Variants in ACADM observed in about 807,000 individuals in gnomAD.
ACADM encodes medium-chain specific acyl-CoA dehydrogenase, mitochondrial.
Under a neutral mutation model 58.9 loss-of-function variants are expected in ACADM, and 49 were observed. The ratio of observed to expected loss-of-function variants is 0.83; its 90% confidence interval spans 0.66 to 1.06. ACADM has a LOEUF of 1.06. Ranked by LOEUF, ACADM falls within the 50% of genes least tolerant of loss-of-function variation. ACADM has a pLI of 0.00. For synonymous variants in ACADM, 160 were observed against 157.7 expected, an observed-to-expected ratio of 1.01 and a Z score of -0.11; for missense variants, 496 against 507.0, an observed-to-expected ratio of 0.98 and a Z score of 0.21.
intron 2 of ACADM, among the ~76,000 whole-genome samples, chr1:75,729,295 C>CTTTT (rs35372302): frequency 1.2e-5 from 1 of 85,354 alleles, no homozygotes; most frequent in Non-Finnish European, 2.1e-5. Context: ...TTTCTTTTTT[C>CTTTT]TTTTTTTTTT....
rs113614244 is a variant in ACADM, at chr1:75,731,306, G to A, written c.119-1338G>A. Among the ~76,000 whole-genome samples, 1,050 of 119,706 alleles carry A rather than the reference G, an allele frequency of 8.8e-3. 10 individuals carry two copies. The highest frequency in any genetic ancestry group is 0.033 in the African/African-American group (970 of 29,206). 78.5% of individuals were successfully genotyped at this position (119,706 alleles called of 152,430 possible). ...AAAAAAAAAAAAAAAAAAAAAAAAA[G>A]AGATTTGATCTTATGCTCTTCAATT... On this transcript the variant is annotated intron_variant, in intron 2 of 11. Coordinates refer to ENST00000370841, the MANE Select transcript of ACADM (RefSeq NM_000016.6).
intron 2 of ACADM, among the ~76,000 whole-genome samples, chr1:75,729,056 T>G (rs1352268076): frequency 6.6e-6 from 1 of 152,020 alleles, no homozygotes; most frequent in Non-Finnish European, 1.5e-5. Flanking sequence ...TCTTCAAAAT[T>G]TTTATTTTTT....
rs1475133401 is a variant in ACADM, at chr1:75,759,661, T to C, written c.946-1461T>C. On this transcript the variant is annotated intron_variant, in intron 10 of 11. Transcript: ENST00000370841. ...TCTCTATCTGTAGCAACTTTCTTTT[T>C]TTTTTTTTTTTTTTTTTGAGACAGA... Among the ~76,000 whole-genome samples, 275 of 146,352 alleles carry C rather than the reference T, an allele frequency of 1.9e-3. 1 individual carries two copies. Among genetic ancestry groups the C allele is most frequent in the African/African-American group, 6.1e-3 (243 of 39,976 alleles).
At chr1:75,757,279 G>A (rs1219143756) in intron 10 of ACADM, among the ~76,000 whole-genome samples, 4 of 152,116 alleles carry the variant, frequency 2.6e-5, no homozygotes, top group South Asian at 2.1e-4. Context: ...GCAACCTACA[G>A]AATGGGAGAA....
rs762564037 is a variant in ACADM, at chr1:75,734,890, C to T, written c.468+19C>T. 2.6e-5 allele frequency: 40 copies of T among 1,566,904 alleles called. No individual in the cohort carries two copies. The highest frequency in any genetic ancestry group is 3.3e-4 in the Middle Eastern group (2 of 5,980). Reference sequence around the variant, plus strand: ...GATGTGTGTGAGTATGTGTAACTGCCGCTTTATTTCACACTTAAGAAGGGA... The same window carrying T: ...GATGTGTGTGAGTATGTGTAACTGCTGCTTTATTTCACACTTAAGAAGGGA... On this transcript the variant is annotated intron_variant, in intron 6 of 11. Transcript: ENST00000370841.
At chr1:75,729,624 G>A (rs1224298122) in intron 2 of ACADM, among the ~76,000 whole-genome samples, 1 of 151,646 alleles carries the variant, frequency 6.6e-6, no homozygotes, top group Non-Finnish European at 1.5e-5. Flanking sequence ...CTCCTGAGTA[G>A]CTGGGACTAC....
At position 75,732,656 on chromosome 1, in the gene ACADM, A is replaced by G. The variant is rs751647383; in HGVS notation, c.131A>G (p.Gln44Arg). 15 of 1,613,826 alleles carry G rather than the reference A, an allele frequency of 9.3e-6. No homozygotes were observed. In the African/African-American group the frequency reaches 1.9e-4, roughly 20 times the overall value. Residue 44 changes from glutamine (Q) to arginine (R), a missense_variant, in exon 3 of 12, where the codon CAG becomes CGG. Transcript: ENST00000370841. ...AATTTTCCCTTAGAGTTCACCGAAC[A>G]GCAGAAAGAATTTCAAGCTACTGCT... is the stretch of plus-strand genomic sequence containing the variant. ...GLGFSFEFTE[Q>R]QKEFQATARK... is the part of the protein sequence containing the mutation.
At chr1:75,726,278 A>C (rs1647054585) in intron 1 of ACADM, among the ~76,000 whole-genome samples, 1 of 151,518 alleles carries the variant, frequency 6.6e-6, no homozygotes, top group Non-Finnish European at 1.5e-5. Flanking sequence ...GCATGGTAGC[A>C]TATGCCTGTA....
At chr1:75,747,527 T>G (rs1289715030) in intron 8 of ACADM, among the ~76,000 whole-genome samples, 1 of 152,238 alleles carries the variant, frequency 6.6e-6, no homozygotes, top group Non-Finnish European at 1.5e-5. Flanking sequence ...GGTTCATGAC[T>G]GTAATCCTAG....
In ACADM at chr1:75,743,355, G is replaced by A. The variant is rs1647692956; in HGVS notation, c.600-2451G>A. The A allele has an allele frequency of 1.6e-5, 25 of 1,557,216 alleles. No homozygotes were observed. The South Asian group carries it at 3.0e-4, about 18-fold the overall frequency. On this transcript the variant is annotated intron_variant, in intron 7 of 11. Transcript: ENST00000370841. Reference sequence around the variant, plus strand: ...CCAGGCTAACCTGGGACCCATGAGGGGACAGGGAGAAGACTGGTTTTCAGT... The same window carrying A: ...CCAGGCTAACCTGGGACCCATGAGGAGACAGGGAGAAGACTGGTTTTCAGT...
intron 6 of ACADM, among the ~76,000 whole-genome samples, chr1:75,736,042 A>C (rs1317033844): frequency 6.6e-6 from 1 of 152,148 alleles, no homozygotes; most frequent in African/African-American, 2.4e-5. Context: ...TAACTGAAGA[A>C]ATAGCAACTT....
At chr1:75,742,858 A>G (rs1480701481) in intron 7 of ACADM, among the ~76,000 whole-genome samples, 1 of 152,170 alleles carries the variant, frequency 6.6e-6, no homozygotes, top group Non-Finnish European at 1.5e-5. Flanking sequence ...TAGAGGTAGA[A>G]GAGGCATCTT....
At chr1:75,743,739 G>A (rs1647720157) in intron 7 of ACADM, 4 of 1,543,082 alleles carry the variant, frequency 2.6e-6, no homozygotes, top group South Asian at 1.1e-5. Flanking sequence ...GTTCAGTGAT[G>A]GTCTGTTCAA....
chr1:75,745,647 G>GT, intron 7 of ACADM, 159 bp from the exon 8 acceptor site: 1 of 675,638 alleles, frequency 1.5e-6, no homozygotes, highest in Non-Finnish European at 2.7e-6. Flanking sequence ...CATATACTAG[G>GT]TACGTGACTA....
intron 4 of ACADM, 52 bp from the exon 5 acceptor site, chr1:75,733,476 C>A (rs1647186468): frequency 4.7e-6 from 7 of 1,486,086 alleles, no homozygotes; most frequent in Admixed American, 1.7e-5. Flanking sequence ...ACCTTTATTT[C>A]TATTGTGATG....
chr1:75,754,210 T>G (rs538718883), intron 10 of ACADM, among the ~76,000 whole-genome samples: 64 of 137,444 alleles, frequency 4.7e-4, no homozygotes, highest in Non-Finnish European at 4.4e-4. Context: ...CAGTTTTTTG[T>G]TTTTTTTTTT....
intron 6 of ACADM, among the ~76,000 whole-genome samples, chr1:75,736,401 A>G (rs1647266903): frequency 6.6e-6 from 1 of 152,198 alleles, no homozygotes; most frequent in African/African-American, 2.4e-5. Flanking sequence ...CTAAAATTTC[A>G]AGCAAACTGT....
rs773278772 is a variant in ACADM, at chr1:75,732,900, C to T, written c.264C>T (p.Asn88=). 1 of 1,613,936 alleles carries T rather than the reference C, an allele frequency of 6.2e-7. No individual in the cohort carries two copies. Residue 88 remains asparagine, a synonymous_variant, in exon 4 of 12, where the codon AAC becomes AAT. Coordinates refer to ENST00000370841, the MANE Select transcript of ACADM (RefSeq NM_000016.6). ...IRRAWELGLM[N]THIPENCGGL... is the part of the protein sequence containing the mutation. The stretch of plus-strand genomic sequence containing the variant: ...GAGCCTGGGAACTTGGTTTAATGAA[C>T]ACACACATTCCAGAGAACTGTGGTA...
At chr1:75,753,157 TCCTATGCTGA>T (rs549304502) in intron 10 of ACADM, among the ~76,000 whole-genome samples, 91 of 152,258 alleles carry the variant, frequency 6.0e-4, no homozygotes, top group Non-Finnish European at 1.1e-3. Context: ...TTTGTGGCCC[TCCTATGCTGA>T]TGAGCCCAGA....
Sources: gnomAD v4.1 joint callset for allele counts (sites outside exome capture counted in the v4.1 genomes callset) on GRCh38, gnomAD v4.1.1 for gene constraint, MANE v1.5 for transcripts, NCBI Gene and HGNC (gene_info 2026-07-23, HGNC 2026-07-21) for gene names.